IQCB1: variants seen among roughly 807,000 people sequenced by gnomAD.
IQCB1 encodes IQ calmodulin-binding motif-containing protein 1.
In IQCB1, 56 loss-of-function variants were observed where a neutral mutation model predicts 84.4. The observed-to-expected ratio is 0.66, with a 90% CI of 0.54 to 0.83. The LOEUF (loss-of-function observed/expected upper bound fraction) is 0.83, where lower values mean the gene tolerates loss of function less well. Ranked by LOEUF, IQCB1 falls within the 40% of genes least tolerant of loss-of-function variation. The pLI, the probability that IQCB1 is intolerant of heterozygous loss-of-function variation, is 0.00. For synonymous variants in IQCB1, 210 were observed against 234.8 expected (o/e 0.89, Z 0.96); for missense variants, 629 against 682.1 (o/e 0.92, Z 0.87).
At chr3:121,792,892 T>G (rs868754105) in intron 10 of IQCB1, among the ~76,000 whole-genome samples, 4 of 152,316 alleles carry the variant, frequency 2.6e-5, no homozygotes, top group Middle Eastern at 3.4e-3. Context: ...TCCAACTGGT[T>G]TCTTTGTAAG....
At chr3:121,785,967 G>T (rs1195808218) in intron 12 of IQCB1, among the ~76,000 whole-genome samples, 1 of 149,914 alleles carries the variant, frequency 6.7e-6, no homozygotes, top group African/African-American at 2.5e-5. Flanking sequence ...TCAGGAGTTG[G>T]AGACCACCCT....
chr3:121,804,805 T>G (rs951361629), intron 7 of IQCB1, among the ~76,000 whole-genome samples: 2 of 152,202 alleles, frequency 1.3e-5, no homozygotes, highest in African/African-American at 4.8e-5. Flanking sequence ...ACACATTTTT[T>G]TGTGACCCTA....
chr3:121,792,619 G>A (rs1949036455), intron 10 of IQCB1, among the ~76,000 whole-genome samples: 1 of 129,716 alleles, frequency 7.7e-6, no homozygotes, highest in African/African-American at 3.0e-5. Context: ...CCGAGATTGC[G>A]CCACTGCACT....
At chr3:121,786,227 A>T (rs1287962194) in intron 12 of IQCB1, among the ~76,000 whole-genome samples, 1 of 147,144 alleles carries the variant, frequency 6.8e-6, no homozygotes, top group Non-Finnish European at 1.5e-5. Context: ...ATGCTTTAAA[A>T]ATATGGCAAA....
At chr3:121,799,099 A>C (rs1949307229) in intron 8 of IQCB1, 97 bp downstream of exon 8, 1 of 872,734 alleles carries the variant, frequency 1.1e-6, no homozygotes, top group Admixed American at 2.1e-5. Context: ...TAGGTCAGTT[A>C]TCAACTCTTT....
intron 9 of IQCB1, among the ~76,000 whole-genome samples, chr3:121,796,463 G>C (rs967355466): frequency 3.3e-5 from 5 of 152,048 alleles, no homozygotes; most frequent in Admixed American, 2.0e-4. Context: ...TCTTCCTGTT[G>C]AATGGGCTAT....
At chr3:121,797,278 AT>A in intron 8 of IQCB1, 51 bp from the exon 9 acceptor site, 1 of 843,008 alleles carries the variant, frequency 1.2e-6, no homozygotes, top group Non-Finnish European at 1.9e-6. Flanking sequence ...ATAAAATATG[AT>A]TTTGTTATCT....
intron 5 of IQCB1, among the ~76,000 whole-genome samples, chr3:121,813,997 T>C (rs2108608310): frequency 6.6e-6 from 1 of 152,276 alleles, no homozygotes; most frequent in African/African-American, 2.4e-5. Flanking sequence ...ATCGCACTTA[T>C]TCTAAAATCG....
chr3:121,770,440 G>A lies in IQCB1; in HGVS notation c.1702C>T (p.Leu568Phe). The A allele has an allele frequency of 1.9e-6, 3 of 1,614,162 alleles. No homozygotes were observed. Among genetic ancestry groups the A allele is most frequent in the Non-Finnish European group, 2.5e-6 (3 of 1,180,002 alleles). Residue 568 changes from leucine to phenylalanine, a missense_variant, in exon 15 of 15, where the codon CTT becomes TTT. Leu to Phe is a conservative substitution (Grantham distance 22). Transcript: ENST00000310864. ...ATCTCATCTCCAGATTCTTCTCCAA[G>A]CTTCTTCCACCAGGGTGCTTGTATG... Reference protein sequence around the residue: ...KHIQAPWWKKLGEESGDEIDV... With the variant: ...KHIQAPWWKKFGEESGDEIDV...
chr3:121,799,122 TTTTG>T (rs1949308728), intron 8 of IQCB1, 70 bp downstream of exon 8: 2 of 1,096,456 alleles, frequency 1.8e-6, no homozygotes, highest in Admixed American at 1.9e-5. Flanking sequence ...AATATAAGAA[TTTTG>T]TTTTTCATAA....
At chr3:121,773,618 C>T (rs9824133) in intron 13 of IQCB1, among the ~76,000 whole-genome samples, 97,812 of 151,894 alleles carry the variant, frequency 0.64, 31,953 homozygotes, top group African/African-American at 0.71. Context: ...TGTTCCTATC[C>T]TGGATATGAC....
chr3:121,833,696 G>A (rs868360110), intron 2 of IQCB1, among the ~76,000 whole-genome samples: 2 of 152,142 alleles, frequency 1.3e-5, no homozygotes, highest in Non-Finnish European at 2.9e-5. Context: ...ATGCTAAATA[G>A]ATGACACAGA....
chr3:121,809,016 A>G lies in IQCB1; in HGVS notation c.394-7T>C. The G allele has an allele frequency of 6.5e-7, 1 of 1,541,730 alleles. No homozygotes were observed. Among genetic ancestry groups the G allele is most frequent in the Non-Finnish European group, 9.0e-7 (1 of 1,115,216 alleles). On this transcript the variant is annotated splice_polypyrimidine_tract_variant and splice_region_variant and intron_variant, in intron 5 of 14. Coordinates refer to ENST00000310864, the MANE Select transcript of IQCB1 (RefSeq NM_001023570.4). ...ATTCATCTTTTTCTTCAGCCTTAAC[A>G]TAAAAGATAAGCCCAGTTTACTTTT...
chr3:121,788,427 C>A lies in IQCB1; in HGVS notation c.1135G>T (p.Val379Leu). 6.2e-7 allele frequency: 1 copy of A among 1,613,366 alleles called. No homozygotes were observed. Among genetic ancestry groups the A allele is most frequent in the Admixed American group, 1.7e-5 (1 of 60,012 alleles). Reference protein sequence around the residue: ...SMLEIVHPGQVEKHYREMEEK... With the variant: ...SMLEIVHPGQLEKHYREMEEK... Reference sequence around the variant, plus strand: ...TCCATTTCCCGATAGTGTTTCTCCACCTGACCTAAAAAGATGATAGACACT... The same window carrying A: ...TCCATTTCCCGATAGTGTTTCTCCAACTGACCTAAAAAGATGATAGACACT... Residue 379 changes from valine to leucine, a missense_variant, in exon 12 of 15, where the codon GTG becomes TTG. By Grantham distance (32) the Val-to-Leu change is conservative (BLOSUM62 1). Coordinates refer to ENST00000310864, the MANE Select transcript of IQCB1 (RefSeq NM_001023570.4).
intron 12 of IQCB1, among the ~76,000 whole-genome samples, chr3:121,787,035 A>G (rs6795182): frequency 0.64 from 97,914 of 152,020 alleles, 32,007 homozygotes; most frequent in African/African-American, 0.72. Flanking sequence ...TTTAGCAGAA[A>G]GTAAAAATCA....
intron 7 of IQCB1, among the ~76,000 whole-genome samples, chr3:121,805,690 C>T (rs1438745700): frequency 1.3e-5 from 2 of 152,274 alleles, no homozygotes; most frequent in Admixed American, 6.5e-5. Context: ...CTGTTGGAAA[C>T]AGGCACTATT....
chr3:121,827,935 G>A (rs961433371), intron 4 of IQCB1, among the ~76,000 whole-genome samples: 1 of 152,100 alleles, frequency 6.6e-6, no homozygotes. Context: ...CATGGCAGTA[G>A]ATCAGTAAAT....
chr3:121,782,789 C>T (rs1295147807), intron 12 of IQCB1, among the ~76,000 whole-genome samples: 1 of 152,176 alleles, frequency 6.6e-6, no homozygotes, highest in Non-Finnish European at 1.5e-5. Flanking sequence ...AAGCAATTCC[C>T]CTGCCTCAGC....
intron 12 of IQCB1, among the ~76,000 whole-genome samples, chr3:121,782,391 T>C (rs1948537167): frequency 6.6e-6 from 1 of 152,272 alleles, no homozygotes; most frequent in Non-Finnish European, 1.5e-5. Flanking sequence ...TTCACTCTGC[T>C]CATGTCTTCG....
Sources: allele counts gnomAD v4.1 joint callset (sites outside exome capture counted in the v4.1 genomes callset), GRCh38; gene constraint gnomAD v4.1.1; transcripts MANE v1.5; gene names NCBI Gene and HGNC (gene_info 2026-07-23, HGNC 2026-07-21).